The following CEP63 variants were observed in gnomAD, a reference collection of about 807,000 sequenced individuals.
CEP63 encodes centrosomal protein of 63 kDa.
Under a neutral mutation model 89.1 loss-of-function variants are expected in CEP63, and 84 were observed. The observed-to-expected ratio is 0.94, with a 90% CI of 0.79 to 1.13. The LOEUF (loss-of-function observed/expected upper bound fraction) is 1.13. Ranked by LOEUF, CEP63 falls within the 50% of genes most tolerant of loss-of-function variation. The probability of loss-of-function intolerance (pLI) is 0.00; values close to 1 mark genes in which losing one functional copy is unlikely to be tolerated. For missense variants in CEP63, 838 were observed against 813.3 expected, an observed-to-expected ratio of 1.03 and a Z score of -0.37; for synonymous variants, 267 against 272.5, an observed-to-expected ratio of 0.98 and a Z score of 0.20.
the CEP63 span, among the ~76,000 whole-genome samples, chr3:134,769,500 G>A: frequency 6.6e-6 from 1 of 152,198 alleles, no homozygotes; most frequent in Non-Finnish European, 1.5e-5. Context: ...AATTTCTGGG[G>A]CGAGGCTTGG....
rs1343546377 is a variant in CEP63 at position 134,563,880 on chromosome 3, G to C, written c.*2345G>C. Reference sequence around the variant, plus strand: ...TATTGAGTGCAGCAAGCTTTAACCTGTTCGGGTCTTTCATTTGCAGTTTAC... The same window carrying C: ...TATTGAGTGCAGCAAGCTTTAACCTCTTCGGGTCTTTCATTTGCAGTTTAC... On this transcript the variant is annotated 3_prime_UTR_variant, in exon 15 of 15. Transcript: ENST00000675561. 6.6e-6 allele frequency: 1 copy of C among 152,240 alleles called. No homozygotes were observed. The highest frequency in any genetic ancestry group is 1.5e-5 in the Non-Finnish European group (1 of 68,092). 9.4% of individuals were successfully genotyped at this position (152,240 alleles called of 1,614,324 possible).
intron 2 of CEP63, among the ~76,000 whole-genome samples, chr3:134,504,586 C>A (rs1482145822): frequency 1.3e-5 from 2 of 152,116 alleles, no homozygotes; most frequent in Non-Finnish European, 2.9e-5. Flanking sequence ...TTAGAGAAGA[C>A]CTTTTTAGGT....
the CEP63 span, among the ~76,000 whole-genome samples, chr3:134,698,356 A>G: frequency 1.3e-5 from 2 of 152,230 alleles, no homozygotes; most frequent in African/African-American, 4.8e-5. Context: ...GCCAGAGACC[A>G]ATAAATGGGA....
the CEP63 span, chr3:134,625,090 AG>A: frequency 6.2e-7 from 1 of 1,602,892 alleles, no homozygotes; most frequent in Non-Finnish European, 8.5e-7. Context: ...AAACTGCTGC[AG>A]GTCCAGGGAC....
chr3:134,765,824 T>G, the CEP63 span, among the ~76,000 whole-genome samples: 2 of 152,176 alleles, frequency 1.3e-5, no homozygotes, highest in Non-Finnish European at 2.9e-5. Context: ...GTTGGAAATG[T>G]AACTCTGGGG....
chr3:134,652,578 C>T, the CEP63 span, among the ~76,000 whole-genome samples: 1 of 151,774 alleles, frequency 6.6e-6, no homozygotes, highest in African/African-American at 2.4e-5. Context: ...AGATGGCTGA[C>T]TTCCAAGGCA....
chr3:134,512,943 T>A (rs1945331501), intron 3 of CEP63, among the ~76,000 whole-genome samples: 1 of 152,230 alleles, frequency 6.6e-6, no homozygotes, highest in Non-Finnish European at 1.5e-5. Context: ...TGTCTCACTT[T>A]CATTTGGTTT....
At chr3:134,742,013 T>C in the CEP63 span, among the ~76,000 whole-genome samples, 46 of 152,040 alleles carry the variant, frequency 3.0e-4, no homozygotes, top group Non-Finnish European at 4.9e-4. Context: ...TGTGTGTGTG[T>C]GCACTCTCGT....
chr3:134,502,412 A>G (rs1019101078), intron 2 of CEP63, among the ~76,000 whole-genome samples: 1 of 152,012 alleles, frequency 6.6e-6, no homozygotes, highest in Non-Finnish European at 1.5e-5. Flanking sequence ...CCTCTTATTT[A>G]TATGTCTGGT....
chr3:134,500,861 T>C (rs879818633), intron 2 of CEP63, among the ~76,000 whole-genome samples: 2 of 152,234 alleles, frequency 1.3e-5, no homozygotes, highest in Non-Finnish European at 2.9e-5. Flanking sequence ...ATTTTTGTTT[T>C]TATTGCATTT....
At chr3:134,726,561 C>T in the CEP63 span, among the ~76,000 whole-genome samples, 5 of 152,140 alleles carry the variant, frequency 3.3e-5, no homozygotes, top group African/African-American at 9.7e-5. Context: ...CCTTCTCTCT[C>T]TCCCTCCTTG....
At chr3:134,709,914 A>T in the CEP63 span, among the ~76,000 whole-genome samples, 1 of 152,254 alleles carries the variant, frequency 6.6e-6, no homozygotes, top group African/African-American at 2.4e-5. Context: ...GTGATTATTC[A>T]TCTAGTTAGA....
intron 2 of CEP63, among the ~76,000 whole-genome samples, chr3:134,502,172 G>A (rs903392689): frequency 2.0e-5 from 3 of 152,176 alleles, no homozygotes; most frequent in Non-Finnish European, 2.9e-5. Context: ...TGCATCCCAG[G>A]AATAAAGCCC....
the CEP63 span, among the ~76,000 whole-genome samples, chr3:134,770,913 G>A: frequency 2.6e-5 from 4 of 152,158 alleles, no homozygotes; most frequent in East Asian, 7.7e-4. Flanking sequence ...AGCTTGTGTT[G>A]ATGCTAATTT....
chr3:134,593,115 C>T, the CEP63 span, among the ~76,000 whole-genome samples: 6 of 152,060 alleles, frequency 3.9e-5, no homozygotes, highest in African/African-American at 1.4e-4. Context: ...AGCTCCTGGT[C>T]CCTGGAAGGA....
At chr3:134,504,111 CTCT>C (rs1374960705) in intron 2 of CEP63, among the ~76,000 whole-genome samples, 1 of 143,292 alleles carries the variant, frequency 7.0e-6, no homozygotes. Flanking sequence ...TGGTCTCTCT[CTCT>C]TTTTTTTTTT....
chr3:134,505,749 G>A (rs1041733100), intron 2 of CEP63, among the ~76,000 whole-genome samples: 1 of 152,176 alleles, frequency 6.6e-6, no homozygotes, highest in African/African-American at 2.4e-5. Flanking sequence ...GATCACCAGT[G>A]CCTCAGACAA....
chr3:134,554,711 G>A (rs1024162849), intron 12 of CEP63, among the ~76,000 whole-genome samples: 1 of 152,152 alleles, frequency 6.6e-6, no homozygotes, highest in Admixed American at 6.5e-5. Context: ...CAGTGTAAAA[G>A]TGTTCCTATT....
At position 134,531,889 on chromosome 3, in the gene CEP63, G is replaced by A. The variant is rs112818605; in HGVS notation, c.267G>A (p.Lys89=). Reference sequence around the variant, plus strand: ...AGGTAGAAGAACATGAAAAAATCAAGCAAGAGATGACCATGGAATATAAGC... The same window carrying A: ...AGGTAGAAGAACATGAAAAAATCAAACAAGAGATGACCATGGAATATAAGC... ...HQQVEEHEKI[K]QEMTMEYKQE... The change falls in exon 4 of 15, where the codon AAG becomes AAA. Residue 89 remains lysine, a synonymous_variant. Coordinates refer to ENST00000675561, the MANE Select transcript of CEP63 (RefSeq NM_001353108.3). 2 of 1,613,608 alleles carry A rather than the reference G, an allele frequency of 1.2e-6. No homozygotes were observed.
Sources: allele counts gnomAD v4.1 joint callset (sites outside exome capture counted in the v4.1 genomes callset), GRCh38; gene constraint gnomAD v4.1.1; transcripts MANE v1.5; gene names NCBI Gene and HGNC (gene_info 2026-07-23, HGNC 2026-07-21).